Variants in CSMD1 observed in about 807,000 individuals in gnomAD.
CSMD1 encodes the protein CUB and sushi domain-containing protein 1.
CSMD1 carries 213 observed loss-of-function variants against 417.5 expected under a neutral mutation model. The observed-to-expected ratio is 0.51, with a 90% CI of 0.46 to 0.57. The LOEUF (loss-of-function observed/expected upper bound fraction) is 0.57, where lower values mean the gene tolerates loss of function less well. CSMD1 is among the 20% of genes least tolerant of loss of function. CSMD1 has a pLI of 0.00. For synonymous variants in CSMD1, 2,862 were observed against 1,736.8 expected, an observed-to-expected ratio of 1.65 and a Z score of -16.11; for missense variants, 6,923 against 4,529.7, an observed-to-expected ratio of 1.53 and a Z score of -15.17.
chr8:4,052,339 G>C (rs768904855), intron 3 of CSMD1, among the ~76,000 whole-genome samples: 1 of 152,204 alleles, frequency 6.6e-6, no homozygotes, highest in Non-Finnish European at 1.5e-5. Flanking sequence ...TGCACAAGGA[G>C]TATAATGATA....
intron 3 of CSMD1, among the ~76,000 whole-genome samples, chr8:4,098,593 C>G (rs541685863): frequency 3.3e-5 from 5 of 152,062 alleles, no homozygotes; most frequent in South Asian, 2.1e-4. Context: ...ACTCAACACC[C>G]TCTCTAAGGT....
chr8:3,813,602 A>G (rs1319529902), intron 5 of CSMD1, among the ~76,000 whole-genome samples: 3 of 152,218 alleles, frequency 2.0e-5, no homozygotes, highest in Non-Finnish European at 4.4e-5. Context: ...TTTTAAAAAG[A>G]AATTCTTCAA....
chr8:4,258,365 A>G (rs1203277246), intron 3 of CSMD1, among the ~76,000 whole-genome samples: 3 of 16,494 alleles, frequency 1.8e-4, no homozygotes, highest in African/African-American at 2.8e-4. Flanking sequence ...GAAGGAGGGA[A>G]GGAGGGAGGG....
intron 2 of CSMD1, among the ~76,000 whole-genome samples, chr8:4,446,853 C>T (rs1480206181): frequency 1.3e-5 from 2 of 150,902 alleles, no homozygotes; most frequent in African/African-American, 4.9e-5. Context: ...GAACTCCTGA[C>T]CTTGTGATCC....
intron 51 of CSMD1, among the ~76,000 whole-genome samples, chr8:3,025,871 G>A (rs113826198): frequency 3.9e-5 from 6 of 152,194 alleles, no homozygotes; most frequent in South Asian, 2.1e-4. Flanking sequence ...AATTGTATCC[G>A]TTTTAGTGTA....
intron 3 of CSMD1, among the ~76,000 whole-genome samples, chr8:4,383,084 G>A (rs1219374205): frequency 6.6e-6 from 1 of 152,118 alleles, no homozygotes; most frequent in Non-Finnish European, 1.5e-5. Flanking sequence ...CCATGATTAA[G>A]CAATGCTATC....
intron 3 of CSMD1, among the ~76,000 whole-genome samples, chr8:4,044,243 T>G (rs1318517420): frequency 6.6e-6 from 1 of 152,182 alleles, no homozygotes; most frequent in Non-Finnish European, 1.5e-5. Context: ...TATTTTCTCA[T>G]ACTTCCTTAT....
intron 5 of CSMD1, among the ~76,000 whole-genome samples, chr8:3,939,090 T>C (rs2129740848): frequency 6.6e-6 from 1 of 152,266 alleles, no homozygotes; most frequent in Non-Finnish European, 1.5e-5. Context: ...TCTCCTAAGA[T>C]GCATAAATTG....
In CSMD1 at chr8:2,962,518, T is replaced by C; in HGVS notation, c.9576A>G (p.Arg3192=). Residue 3192 remains arginine, a synonymous_variant, in exon 61 of 70, where the codon AGA becomes AGG. Transcript: ENST00000635120. ...KSPFILVGSS[R]RVCQADGTWS... is the part of the protein sequence containing the mutation. ...ACGTGCCGTCAGCTTGGCAGACTCT[T>C]CTGGAGGATCCCACGAGTATAAATG... 6.2e-7 allele frequency: 1 copy of C among 1,613,940 alleles called. No individual in the cohort carries two copies. The highest frequency in any genetic ancestry group is 8.5e-7 in the Non-Finnish European group (1 of 1,179,852).
intron 3 of CSMD1, among the ~76,000 whole-genome samples, chr8:4,114,883 A>C (rs1802050845): frequency 6.6e-6 from 1 of 152,220 alleles, no homozygotes; most frequent in African/African-American, 2.4e-5. Flanking sequence ...TTAACAGATG[A>C]GGAATTGCTT....
intron 3 of CSMD1, among the ~76,000 whole-genome samples, chr8:4,392,174 C>A (rs958161644): frequency 2.0e-5 from 3 of 152,172 alleles, no homozygotes; most frequent in African/African-American, 7.2e-5. Flanking sequence ...ATTTTTGTTT[C>A]AACGTGCTAA....
At chr8:4,059,284 T>C (rs1159864743) in intron 3 of CSMD1, among the ~76,000 whole-genome samples, 1 of 151,828 alleles carries the variant, frequency 6.6e-6, no homozygotes, top group African/African-American at 2.4e-5. Flanking sequence ...CTGGGACACA[T>C]TCAAAACACT....
intron 7 of CSMD1, among the ~76,000 whole-genome samples, chr8:3,644,381 G>C (rs574872807): frequency 1.1e-4 from 17 of 152,314 alleles, no homozygotes; most frequent in Admixed American, 3.9e-4. Flanking sequence ...GTGCGAGTGA[G>C]ACCCTGGAGA....
chr8:4,510,947 T>G (rs1802789530), intron 2 of CSMD1, among the ~76,000 whole-genome samples: 1 of 148,924 alleles, frequency 6.7e-6, no homozygotes, highest in East Asian at 2.1e-4. Context: ...GTTCCTTTCC[T>G]TCCATTTTAT....
intron 5 of CSMD1, among the ~76,000 whole-genome samples, chr8:3,881,941 G>C (rs575165135): frequency 5.3e-5 from 8 of 152,132 alleles, no homozygotes; most frequent in Non-Finnish European, 1.2e-4. Flanking sequence ...ATTCCACAGA[G>C]ATTACAGATC....
At chr8:3,706,748 G>T (rs567724161) in intron 7 of CSMD1, among the ~76,000 whole-genome samples, 1 of 151,620 alleles carries the variant, frequency 6.6e-6, no homozygotes, top group Admixed American at 6.6e-5. Context: ...TTTGTGCAGG[G>T]TTTTATCATA....
chr8:3,368,641 A>T (rs1049641261), intron 19 of CSMD1, among the ~76,000 whole-genome samples: 2 of 152,124 alleles, frequency 1.3e-5, no homozygotes, highest in Admixed American at 6.6e-5. Context: ...ACCTGGCCCC[A>T]AATAGACTCT....
chr8:4,159,980 G>A lies in CSMD1; in HGVS notation c.416-127881C>T, dbSNP rs551344663. 2.6e-5 allele frequency among the ~76,000 whole-genome samples: 4 copies of A among 151,898 alleles called. No homozygotes were observed. The South Asian group carries it at 8.3e-4, about 32-fold the overall frequency. On this transcript the variant is annotated intron_variant, in intron 3 of 69. Coordinates refer to ENST00000635120, the MANE Select transcript of CSMD1 (RefSeq NM_033225.6). ...GGTGAGGGATAAAAGACTACCAATT[G>A]GGTTCAATGTATAATGCTCTGGTGA... is the stretch of plus-strand genomic sequence containing the variant.
At chr8:3,555,099 C>A (rs900628448) in intron 10 of CSMD1, among the ~76,000 whole-genome samples, 1 of 151,932 alleles carries the variant, frequency 6.6e-6, no homozygotes, top group Non-Finnish European at 1.5e-5. Context: ...CCGTAGGACC[C>A]GTGACAGGCA....
Sources: gnomAD v4.1 joint callset for allele counts (sites outside exome capture counted in the v4.1 genomes callset) on GRCh38, gnomAD v4.1.1 for gene constraint, MANE v1.5 for transcripts, NCBI Gene and HGNC (gene_info 2026-07-23, HGNC 2026-07-21) for gene names.